Variants in AGAP1 observed in about 807,000 individuals in gnomAD.
The protein encoded by AGAP1 is ArfGAP with GTPase domain, ankyrin repeat and PH domain 1.
Under a neutral mutation model 105.3 loss-of-function variants are expected in AGAP1, and 29 were observed. The observed-to-expected ratio is 0.28, with a 90% CI of 0.21 to 0.38. AGAP1 has a LOEUF of 0.38. Ranked by LOEUF, AGAP1 falls within the 10% of genes least tolerant of loss-of-function variation. The pLI, the probability that AGAP1 is intolerant of heterozygous loss-of-function variation, is 1.00. For missense variants in AGAP1, 998 were observed against 1,165.1 expected, an observed-to-expected ratio of 0.86 and a Z score of 2.09; for synonymous variants, 509 against 485.9, an observed-to-expected ratio of 1.05 and a Z score of -0.63.
intron 11 of AGAP1, among the ~76,000 whole-genome samples, chr2:235,917,942 A>G (rs1403604871): frequency 6.6e-6 from 1 of 152,196 alleles, no homozygotes; most frequent in East Asian, 1.9e-4. Flanking sequence ...AAAAAAAATA[A>G]CGTGACATCA....
At position 235,535,982 on chromosome 2, in the gene AGAP1, C is replaced by G. The variant is rs919727667; in HGVS notation, c.163+41133C>G. Among the ~76,000 whole-genome samples the G allele has an allele frequency of 6.6e-6, 1 of 152,038 alleles. No homozygotes were observed. The highest frequency in any genetic ancestry group is 1.5e-5 in the Non-Finnish European group (1 of 68,024). Reference sequence around the variant, plus strand: ...CTGCTTCCTGCTCTCCCAGAGCCGGCCTCACCTTCGAGACTCATGCTACTA... The same window carrying G: ...CTGCTTCCTGCTCTCCCAGAGCCGGGCTCACCTTCGAGACTCATGCTACTA... On this transcript the variant is annotated intron_variant, in intron 1 of 17. Transcript: ENST00000304032. The surrounding 1 kb of genome is among the most constrained non-coding windows in gnomAD (Gnocchi z 5.1).
At chr2:235,514,787 G>A (rs916208516) in intron 1 of AGAP1, among the ~76,000 whole-genome samples, 11 of 152,240 alleles carry the variant, frequency 7.2e-5, no homozygotes, top group Admixed American at 5.9e-4. Context: ...TCCAGGACTG[G>A]ACACGTGGTG....
At position 235,666,212 on chromosome 2, in the gene AGAP1, T is replaced by TA. The variant is rs879377657; in HGVS notation, c.164-42954dup. On this transcript the variant is annotated intron_variant, in intron 1 of 17. Coordinates refer to ENST00000304032, the MANE Select transcript of AGAP1 (RefSeq NM_001037131.3). ...TAGCAGTGAAATCAACTACATGCTT[T>TA]AAAAAAAAAAAAATGGTGATATGCT... 4.2e-3 allele frequency among the ~76,000 whole-genome samples: 597 copies of TA among 143,418 alleles called. 1 individual carries two copies. The highest frequency in any genetic ancestry group is 8.9e-3 in the African/African-American group (350 of 39,206). The allele number at this position is 143,418 out of a possible 152,430, so 94.1% of individuals were successfully genotyped here. A position where few individuals can be genotyped will look rare whatever the true frequency, so the allele number is the denominator to read the frequency against.
At chr2:235,856,847 C>T (rs532084140) in intron 9 of AGAP1, among the ~76,000 whole-genome samples, 1 of 152,378 alleles carries the variant, frequency 6.6e-6, no homozygotes, top group South Asian at 2.1e-4. Context: ...AGGCCTCCTG[C>T]AAGTGCCAGC....
At chr2:235,634,392 G>T (rs181663933) in intron 1 of AGAP1, among the ~76,000 whole-genome samples, 1 of 152,212 alleles carries the variant, frequency 6.6e-6, no homozygotes, top group South Asian at 2.1e-4. Context: ...GCAACAAAGA[G>T]CTGAGACTTC....
chr2:236,072,307 G>A (rs1191626750), intron 16 of AGAP1: 1 of 152,042 alleles, frequency 6.6e-6, no homozygotes, highest in Admixed American at 6.6e-5. Context: ...TGGGCGCGGT[G>A]GTGCGCGCCT....
chr2:235,516,361 A>G (rs555160787), intron 1 of AGAP1, among the ~76,000 whole-genome samples: 32 of 152,136 alleles, frequency 2.1e-4, no homozygotes, highest in African/African-American at 7.7e-4. Context: ...TATTTTTTTT[A>G]AATCTCTTGT....
chr2:236,083,169 G>A lies in AGAP1; in HGVS notation c.2114+33888G>A, dbSNP rs115372360. On this transcript the variant is annotated intron_variant, in intron 16 of 17. Coordinates refer to ENST00000304032, the MANE Select transcript of AGAP1 (RefSeq NM_001037131.3). The surrounding 1 kb of genome is among the most constrained non-coding windows in gnomAD (Gnocchi z 5.3). ...ATTCCATCTCAAAAAAAAAGAAAAAGAAAAGAGGCCTCGCCTTCCATTTAG... is the reference window on the plus strand; with the variant it reads ...ATTCCATCTCAAAAAAAAAGAAAAAAAAAAGAGGCCTCGCCTTCCATTTAG... Among the ~76,000 whole-genome samples, 1 of 96,268 alleles carries A rather than the reference G, an allele frequency of 1.0e-5. No homozygotes were observed. Among genetic ancestry groups the A allele is most frequent in the Non-Finnish European group, 2.2e-5 (1 of 44,886 alleles). 63.2% of individuals were successfully genotyped at this position (96,268 alleles called of 152,430 possible). A position where few individuals can be genotyped will look rare whatever the true frequency, so the allele number is the denominator to read the frequency against.
chr2:236,070,046 G>T (rs141449980), intron 16 of AGAP1, among the ~76,000 whole-genome samples: 2 of 152,242 alleles, frequency 1.3e-5, no homozygotes, highest in African/African-American at 4.8e-5. Flanking sequence ...TGTCAGTGGC[G>T]CCTAGAGCCC....
rs1334490850 is a variant in AGAP1, at chr2:236,095,200, C to T, written c.2115-24992C>T. Among the ~76,000 whole-genome samples, 1 of 152,048 alleles carries T rather than the reference C, an allele frequency of 6.6e-6. No homozygotes were observed. The highest frequency in any genetic ancestry group is 1.5e-5 in the Non-Finnish European group (1 of 68,014). On this transcript the variant is annotated intron_variant, in intron 16 of 17. Transcript: ENST00000304032. This position sits in a 1 kb window ranked among gnomAD's most constrained non-coding sequence, Gnocchi z 4.1. Reference sequence around the variant, plus strand: ...TTGCTTGAGCTCAGGAGTTCGAGACCAGCCTGGGAACTGTGGTGAAACCCC... The same window carrying T: ...TTGCTTGAGCTCAGGAGTTCGAGACTAGCCTGGGAACTGTGGTGAAACCCC...
At chr2:235,956,617 C>A (rs947980191) in intron 12 of AGAP1, among the ~76,000 whole-genome samples, 1 of 152,166 alleles carries the variant, frequency 6.6e-6, no homozygotes, top group Admixed American at 6.5e-5. Flanking sequence ...AGGAGTATGA[C>A]CTGGGAGGCG....
At chr2:235,863,992 G>A (rs2049042854) in intron 9 of AGAP1, among the ~76,000 whole-genome samples, 1 of 152,204 alleles carries the variant, frequency 6.6e-6, no homozygotes, top group Admixed American at 6.5e-5. Flanking sequence ...CTTTTATGCG[G>A]AGGACTTGTA....
chr2:235,682,323 C>T (rs1949121356), intron 1 of AGAP1, among the ~76,000 whole-genome samples: 1 of 151,714 alleles, frequency 6.6e-6, no homozygotes, highest in Non-Finnish European at 1.5e-5. Context: ...GAACCAGGAT[C>T]CTGTTTTGTG....
chr2:235,694,340 G>A (rs1327683380), intron 1 of AGAP1, among the ~76,000 whole-genome samples: 1 of 152,002 alleles, frequency 6.6e-6, no homozygotes, highest in African/African-American at 2.4e-5. Context: ...TTAGCTGGGC[G>A]TGGTGGCGGG....
At chr2:235,561,336 G>A (rs1459706615) in intron 1 of AGAP1, among the ~76,000 whole-genome samples, 4 of 152,164 alleles carry the variant, frequency 2.6e-5, no homozygotes, top group Non-Finnish European at 4.4e-5. Flanking sequence ...TGGGGTCTGC[G>A]GGTAAGAACA....
At chr2:235,706,622 A>G (rs1356397859) in intron 1 of AGAP1, among the ~76,000 whole-genome samples, 1 of 152,182 alleles carries the variant, frequency 6.6e-6, no homozygotes, top group Non-Finnish European at 1.5e-5. Context: ...TCATCACTTG[A>G]TAGTAGCCTG....
At chr2:235,940,039 C>G (rs1166221021) in intron 12 of AGAP1, among the ~76,000 whole-genome samples, 2 of 152,150 alleles carry the variant, frequency 1.3e-5, no homozygotes, top group Admixed American at 6.5e-5. Context: ...TTGAAGAACT[C>G]CAGCTTTCAT....
rs1044118036 is a variant in AGAP1, at chr2:235,969,456, G to A, written c.1645+833G>A. ...ACCTGTGAGACCGACAATGGTGAGAGAGTGTGGTTACCTGTGAGACCGACA... is the reference window on the plus strand; with the variant it reads ...ACCTGTGAGACCGACAATGGTGAGAAAGTGTGGTTACCTGTGAGACCGACA... On this transcript the variant is annotated intron_variant, in intron 13 of 17. Transcript: ENST00000304032. 2.6e-5 allele frequency among the ~76,000 whole-genome samples: 4 copies of A among 152,186 alleles called. No homozygotes were observed. In the South Asian group the frequency reaches 8.3e-4, roughly 32 times the overall value.
intron 9 of AGAP1, among the ~76,000 whole-genome samples, chr2:235,825,008 T>C (rs1049463054): frequency 4.6e-5 from 7 of 151,344 alleles, no homozygotes; most frequent in African/African-American, 1.7e-4. Flanking sequence ...CTTTTTCTTA[T>C]TTGCAATTCA....
Sources: gnomAD v4.1 joint callset for allele counts (sites outside exome capture counted in the v4.1 genomes callset) on GRCh38, gnomAD v4.1.1 for gene constraint, Gnocchi (gnomAD v3.1) non-coding constraint, MANE v1.5 for transcripts, NCBI Gene and HGNC (gene_info 2026-07-23, HGNC 2026-07-21) for gene names.